The following DENND1B variants were observed in gnomAD, a reference collection of about 807,000 sequenced individuals.
DENND1B encodes the protein DENN domain-containing protein 1B.
In DENND1B, 59 loss-of-function variants were observed where a neutral mutation model predicts 90.1. That is an observed-to-expected ratio of 0.65 (90% CI 0.53 to 0.81). The LOEUF is 0.81. Among genes scored for constraint, DENND1B ranks in the 40% least tolerant of loss-of-function variants. DENND1B has a pLI of 0.00. For synonymous variants in DENND1B, 337 were observed against 324.6 expected (o/e 1.04, Z -0.41); for missense variants, 862 against 912.6 (o/e 0.94, Z 0.71).
intron 15 of DENND1B, among the ~76,000 whole-genome samples, chr1:197,576,527 G>T (rs1673701501): frequency 1.3e-5 from 2 of 152,124 alleles, no homozygotes; most frequent in African/African-American, 4.8e-5. Context: ...TTAATATGAA[G>T]GTAAGAAGAG....
chr1:197,563,018 T>C (rs1423330094), intron 15 of DENND1B, among the ~76,000 whole-genome samples: 2 of 151,876 alleles, frequency 1.3e-5, no homozygotes, highest in East Asian at 1.9e-4. Context: ...GGGTGAGACA[T>C]GTGAGAAAGC....
intron 11 of DENND1B, among the ~76,000 whole-genome samples, chr1:197,614,060 T>C (rs1039068695): frequency 2.7e-5 from 4 of 150,062 alleles, no homozygotes; most frequent in African/African-American, 9.8e-5. Context: ...AGACGGAGTC[T>C]CGCTCTTTCG....
intron 2 of DENND1B, among the ~76,000 whole-genome samples, chr1:197,763,625 C>T (rs923875609): frequency 3.0e-4 from 45 of 152,168 alleles, no homozygotes; most frequent in African/African-American, 8.2e-4. Context: ...ATATTCTTTA[C>T]TCTTAATTAT....
intron 7 of DENND1B, among the ~76,000 whole-genome samples, chr1:197,650,692 G>C (rs1653041892): frequency 6.6e-6 from 1 of 152,126 alleles, no homozygotes. Flanking sequence ...GCCGTAAAAA[G>C]GAATGAATTA....
Position 197,631,370 on chromosome 1 carries a change from A to T in DENND1B, c.672+11341T>A, listed in dbSNP as rs181725164. On this transcript the variant is annotated intron_variant, in intron 10 of 22. Transcript: ENST00000620048. ...TTTAGACAAGAAATTTCAGGGTAAA[A>T]GAAATTAGATGAATTATAAGAAGGT... Among the ~76,000 whole-genome samples, 56 of 152,262 alleles carry T rather than the reference A, an allele frequency of 3.7e-4. 1 individual carries two copies. The East Asian group carries it at 8.7e-3, about 24-fold the overall frequency.
chr1:197,611,987 A>AT lies in DENND1B; in HGVS notation c.774-12_774-11insA, dbSNP rs1677222569. 3.1e-5 allele frequency: 49 copies of AT among 1,592,590 alleles called. No homozygotes were observed. Among genetic ancestry groups the AT allele is most frequent in the Non-Finnish European group, 4.2e-5 (49 of 1,163,366 alleles). On this transcript the variant is annotated splice_polypyrimidine_tract_variant and intron_variant, in intron 11 of 22. Transcript: ENST00000620048. Reference sequence around the variant, plus strand: ...TATGGCATTGGGGCACTAAATTAAAAATATATATATGCATAGATTCATATA... The same window carrying AT: ...TATGGCATTGGGGCACTAAATTAAAATATATATATATGCATAGATTCATATA...
chr1:197,756,267 C>T (rs1219338323), intron 2 of DENND1B, among the ~76,000 whole-genome samples: 1 of 152,072 alleles, frequency 6.6e-6, no homozygotes, highest in African/African-American at 2.4e-5. Flanking sequence ...AAATGTTTTT[C>T]CAACAATTAG....
At chr1:197,672,269 T>A (rs1655588344) in intron 4 of DENND1B, 113 bp from the exon 5 acceptor site, 1 of 1,289,794 alleles carries the variant, frequency 7.8e-7, no homozygotes, top group Admixed American at 2.9e-5. Flanking sequence ...TCTAATCAGT[T>A]GGTTCTTGAA....
rs1294964511 is a variant in DENND1B, at chr1:197,510,021, A to T, written c.*439T>A. 1.3e-5 allele frequency: 2 copies of T among 154,394 alleles called. No homozygotes were observed. Among genetic ancestry groups the T allele is most frequent in the African/African-American group, 4.8e-5 (2 of 41,454 alleles). 9.6% of individuals were successfully genotyped at this position (154,394 alleles called of 1,614,324 possible). A position where few individuals can be genotyped will look rare whatever the true frequency, so the allele number is the denominator to read the frequency against. On this transcript the variant is annotated 3_prime_UTR_variant, in exon 23 of 23. Coordinates refer to ENST00000620048, the MANE Select transcript of DENND1B (RefSeq NM_001195215.2). The stretch of plus-strand genomic sequence containing the variant: ...TACATTATTTAAGTATGCTTAAAAA[A>T]CAGCTTTAAGATTAAGGCAATTAGT...
intron 2 of DENND1B, among the ~76,000 whole-genome samples, chr1:197,742,387 T>C (rs1411903615): frequency 6.6e-6 from 1 of 152,148 alleles, no homozygotes; most frequent in Non-Finnish European, 1.5e-5. Context: ...CTAAATAATT[T>C]TTAAAAGAAG....
intron 2 of DENND1B, among the ~76,000 whole-genome samples, chr1:197,746,587 C>T (rs1255434013): frequency 1.3e-5 from 2 of 151,888 alleles, no homozygotes; most frequent in East Asian, 3.9e-4. Context: ...ACGACAAAGC[C>T]CTTAGAGAAA....
chr1:197,570,229 C>CA (rs34035389), intron 15 of DENND1B, among the ~76,000 whole-genome samples: 46,447 of 135,282 alleles, frequency 0.34, 7,572 homozygotes, highest in Middle Eastern at 0.46. Context: ...CCCATATCTC[C>CA]AAAAAAAAAA....
At chr1:197,570,981 T>C (rs1191537196) in intron 15 of DENND1B, among the ~76,000 whole-genome samples, 1 of 152,206 alleles carries the variant, frequency 6.6e-6, no homozygotes, top group Non-Finnish European at 1.5e-5. Context: ...TTATTTAAAA[T>C]GTCAATATAA....
chr1:197,609,635 C>T (rs993454733), intron 12 of DENND1B, among the ~76,000 whole-genome samples: 1 of 150,112 alleles, frequency 6.7e-6, no homozygotes, highest in Non-Finnish European at 1.5e-5. Flanking sequence ...AATTTCATGA[C>T]TTTGAACAAC....
At chr1:197,611,575 C>T (rs1677186066) in intron 12 of DENND1B, among the ~76,000 whole-genome samples, 1 of 150,460 alleles carries the variant, frequency 6.6e-6, no homozygotes, top group Non-Finnish European at 1.5e-5. Flanking sequence ...CTCATAAGTA[C>T]ATAAATTGTG....
chr1:197,762,873 G>T (rs547371581), intron 2 of DENND1B, among the ~76,000 whole-genome samples: 1 of 152,118 alleles, frequency 6.6e-6, no homozygotes, highest in Admixed American at 6.5e-5. Context: ...TGTAGCACAC[G>T]GCATTATCTC....
rs869269178 is a variant in DENND1B at position 197,551,076 on chromosome 1, TAA to T, written c.1240+1944_1240+1945del. On this transcript the variant is annotated intron_variant, in intron 16 of 22. Coordinates refer to ENST00000620048, the MANE Select transcript of DENND1B (RefSeq NM_001195215.2). ...GAACTGACCTCTAGGAACCATTTTA[TAA>T]ACACACACACACACACACACACACA... Among the ~76,000 whole-genome samples the T allele has an allele frequency of 2.1e-4, 17 of 79,276 alleles. No individual in the cohort carries two copies. The East Asian group carries it at 8.0e-3, about 37-fold the overall frequency. 52.0% of individuals were successfully genotyped at this position (79,276 alleles called of 152,430 possible).
chr1:197,627,773 G>A (rs1041240837), intron 10 of DENND1B, among the ~76,000 whole-genome samples: 1 of 152,132 alleles, frequency 6.6e-6, no homozygotes, highest in African/African-American at 2.4e-5. Context: ...TGTATATATA[G>A]AAAACCCCAT....
Position 197,566,962 on chromosome 1 carries a change from A to G in DENND1B, c.1150-13850T>C, listed in dbSNP as rs529820577. ...TCATTTATTCCTAGAGGGACAGTAA[A>G]TCATAAAGACTAATGACAGTAAATA... is the stretch of plus-strand genomic sequence containing the variant. On this transcript the variant is annotated intron_variant, in intron 15 of 22. Transcript: ENST00000620048. Among the ~76,000 whole-genome samples the G allele has an allele frequency of 2.6e-5, 4 of 152,242 alleles. No individual in the cohort carries two copies. In the South Asian group the frequency reaches 8.3e-4, roughly 32 times the overall value.
Sources: allele counts gnomAD v4.1 joint callset (sites outside exome capture counted in the v4.1 genomes callset), GRCh38; gene constraint gnomAD v4.1.1; transcripts MANE v1.5; gene names NCBI Gene and HGNC (gene_info 2026-07-23, HGNC 2026-07-21).